Variants in F13A1 observed in about 807,000 individuals in gnomAD.
F13A1 encodes the protein FSF, A subunit.
Under a neutral mutation model 80.1 loss-of-function variants are expected in F13A1, and 47 were observed. The observed-to-expected ratio is 0.59, with a 90% confidence interval of 0.46 to 0.75. The LOEUF is 0.75. Among genes scored for constraint, F13A1 ranks in the 30% least tolerant of loss-of-function variants. The pLI is 0.00. For missense variants in F13A1, 817 were observed against 930.4 expected, an observed-to-expected ratio of 0.88 and a Z score of 1.59; for synonymous variants, 349 against 344.9, an observed-to-expected ratio of 1.01 and a Z score of -0.13.
intron 4 of F13A1, among the ~76,000 whole-genome samples, chr6:6,252,700 A>T (rs1238824367): frequency 6.6e-6 from 1 of 152,240 alleles, no homozygotes; most frequent in Non-Finnish European, 1.5e-5. Flanking sequence ...CAAAATGAAC[A>T]CATACAAAAT....
At chr6:6,220,499 G>A (rs1021255718) in intron 8 of F13A1, among the ~76,000 whole-genome samples, 2 of 152,096 alleles carry the variant, frequency 1.3e-5, no homozygotes, top group African/African-American at 2.4e-5. Flanking sequence ...CTGAATCAAG[G>A]AGCTGGGAAA....
chr6:6,175,088 G>A (rs138242771), intron 11 of F13A1, among the ~76,000 whole-genome samples: 12 of 152,286 alleles, frequency 7.9e-5, no homozygotes, highest in African/African-American at 2.9e-4. Context: ...GTTAGGAGGT[G>A]ACAGTGTTGG....
chr6:6,207,064 A>G (rs1181364074), intron 8 of F13A1, among the ~76,000 whole-genome samples: 1 of 152,022 alleles, frequency 6.6e-6, no homozygotes, highest in East Asian at 1.9e-4. Flanking sequence ...GAAGCAAACA[A>G]CAATCTGAGG....
At chr6:6,190,682 T>C (rs1171755716) in intron 10 of F13A1, among the ~76,000 whole-genome samples, 1 of 151,756 alleles carries the variant, frequency 6.6e-6, no homozygotes, top group African/African-American at 2.4e-5. Flanking sequence ...TTTTTGTTTG[T>C]CTGTGCCCTG....
At chr6:6,171,076 A>T (rs1340826709) in intron 12 of F13A1, among the ~76,000 whole-genome samples, 1 of 152,052 alleles carries the variant, frequency 6.6e-6, no homozygotes, top group Non-Finnish European at 1.5e-5. Context: ...CTCATTCTTT[A>T]ATTGGATTAA....
At chr6:6,230,375 T>C (rs1757333800) in intron 6 of F13A1, among the ~76,000 whole-genome samples, 2 of 151,972 alleles carry the variant, frequency 1.3e-5, no homozygotes. Flanking sequence ...CATAATCCTC[T>C]TAGGTACACA....
intron 8 of F13A1, among the ~76,000 whole-genome samples, chr6:6,200,349 T>C (rs1761371145): frequency 6.6e-6 from 1 of 152,128 alleles, no homozygotes. Flanking sequence ...GGAGAACTGC[T>C]TGAGCCCAGG....
At chr6:6,193,386 G>C (rs1048469612) in intron 10 of F13A1, among the ~76,000 whole-genome samples, 3 of 152,166 alleles carry the variant, frequency 2.0e-5, no homozygotes, top group African/African-American at 7.2e-5. Flanking sequence ...GATGCAGCAA[G>C]GACGAGGGAG....
chr6:6,190,592 C>T (rs1212930532), intron 10 of F13A1, among the ~76,000 whole-genome samples: 2 of 151,898 alleles, frequency 1.3e-5, no homozygotes, highest in Non-Finnish European at 2.9e-5. Flanking sequence ...CTCAGATCTC[C>T]AGCTGCATGC....
At chr6:6,193,292 T>TG (rs1207119725) in intron 10 of F13A1, among the ~76,000 whole-genome samples, 5 of 151,932 alleles carry the variant, frequency 3.3e-5, no homozygotes, top group Non-Finnish European at 2.9e-5. Context: ...AAACAGTCAA[T>TG]GAACATGATG....
intron 6 of F13A1, among the ~76,000 whole-genome samples, chr6:6,225,991 C>G (rs1445423755): frequency 6.6e-6 from 1 of 152,176 alleles, no homozygotes; most frequent in Non-Finnish European, 1.5e-5. Flanking sequence ...TAAAACTTGC[C>G]ACACCTTCAG....
chr6:6,318,810 C>T (rs961155765), intron 1 of F13A1, 128 bp from the exon 2 acceptor site: 43 of 977,580 alleles, frequency 4.4e-5, no homozygotes, highest in African/African-American at 9.8e-5. Flanking sequence ...CACATTTTGC[C>T]GTTTGCATAA....
At position 6,162,013 on chromosome 6, in the gene F13A1, G is replaced by GT. The variant is rs1760584258; in HGVS notation, c.1908+5444dup. Reference sequence around the variant, plus strand: ...TAGGAAACTCCAGTTCCAAGGCTGAGTTGGGTACTTCCTGGAGAAGACAAT... The same window carrying GT: ...TAGGAAACTCCAGTTCCAAGGCTGAGTTTGGGTACTTCCTGGAGAAGACAAT... On this transcript the variant is annotated intron_variant, in intron 13 of 14. Transcript: ENST00000264870. The surrounding 1 kb of genome is among the most constrained non-coding windows in gnomAD (Gnocchi z 4.2). Among the ~76,000 whole-genome samples, 1 of 152,134 alleles carries GT rather than the reference G, an allele frequency of 6.6e-6. No homozygotes were observed. Among genetic ancestry groups the GT allele is most frequent in the Non-Finnish European group, 1.5e-5 (1 of 68,008 alleles).
chr6:6,148,233 C>G (rs1760317882), intron 14 of F13A1, among the ~76,000 whole-genome samples: 1 of 152,180 alleles, frequency 6.6e-6, no homozygotes, highest in Non-Finnish European at 1.5e-5. Context: ...GGAACCTCTG[C>G]ACATCTGAGA....
chr6:6,173,706 G>A (rs897817818), intron 12 of F13A1, among the ~76,000 whole-genome samples: 6 of 152,014 alleles, frequency 3.9e-5, no homozygotes, highest in East Asian at 1.9e-4. Context: ...TTTAAGAAGC[G>A]GCCTATGTCA....
At chr6:6,175,954 A>G (rs1040543451) in intron 11 of F13A1, among the ~76,000 whole-genome samples, 1 of 152,274 alleles carries the variant, frequency 6.6e-6, no homozygotes, top group African/African-American at 2.4e-5. Context: ...TGCCTCAGAC[A>G]CTGGGAAGGT....
At chr6:6,153,255 C>T (rs1482939045) in intron 13 of F13A1, among the ~76,000 whole-genome samples, 3 of 152,194 alleles carry the variant, frequency 2.0e-5, no homozygotes, top group South Asian at 2.1e-4. Flanking sequence ...GGAAATGAGG[C>T]GTTTTTAAGA....
At chr6:6,186,557 A>G (rs1006756566) in intron 10 of F13A1, among the ~76,000 whole-genome samples, 6 of 151,780 alleles carry the variant, frequency 4.0e-5, no homozygotes, top group Non-Finnish European at 7.4e-5. Flanking sequence ...ATTTCTGAGG[A>G]CTCTGTTCTG....
At chr6:6,176,761 G>C (rs147351966) in intron 11 of F13A1, among the ~76,000 whole-genome samples, 1 of 152,178 alleles carries the variant, frequency 6.6e-6, no homozygotes. Flanking sequence ...CTTTGGATGC[G>C]GGCCAGAGAT....
Sources: gnomAD v4.1 joint callset for allele counts (sites outside exome capture counted in the v4.1 genomes callset) on GRCh38, gnomAD v4.1.1 for gene constraint, Gnocchi (gnomAD v3.1) non-coding constraint, MANE v1.5 for transcripts, NCBI Gene and HGNC (gene_info 2026-07-23, HGNC 2026-07-21) for gene names.